Variants in ANK3 observed in about 807,000 individuals in gnomAD.
ANK3 encodes the protein ankyrin-3.
In ANK3, 57 loss-of-function variants were observed where a neutral mutation model predicts 370.9. That is an observed-to-expected ratio of 0.15 (90% confidence interval 0.12 to 0.19). The LOEUF (loss-of-function observed/expected upper bound fraction) is 0.19. ANK3 is among the 10% of genes least tolerant of loss of function. ANK3 has a pLI of 1.00. For missense variants in ANK3, 4,439 were observed against 5,302.1 expected (o/e 0.84, Z 5.06); for synonymous variants, 1,929 against 1,946.3 (o/e 0.99, Z 0.23).
At position 60,441,518 on chromosome 10, in the gene ANK3, A is replaced by G. The variant is rs185545607; in HGVS notation, c.97-161879T>C. ...CTCCTATCTTGAATTTTTCTCTTAG[A>G]AATGCTGTGTGTAGGTCCTATACAT... is the stretch of plus-strand genomic sequence containing the variant. On this transcript the variant is annotated intron_variant, in intron 2 of 43. Coordinates refer to the ANK3 transcript ENST00000373827. 5.3e-5 allele frequency among the ~76,000 whole-genome samples: 8 copies of G among 152,318 alleles called. No individual in the cohort carries two copies. In the East Asian group the frequency reaches 1.5e-3, roughly 29 times the overall value.
chr10:60,417,915 T>TA lies in ANK3; in HGVS notation c.97-138277dup, dbSNP rs534459028. On this transcript the variant is annotated intron_variant, in intron 2 of 43. Transcript: ENST00000373827. Reference sequence around the variant, plus strand: ...TATTAATCATACTTGAAAGGTTTTTTAAAAAAATTTTGCTTTTACCACATA... The same window carrying TA: ...TATTAATCATACTTGAAAGGTTTTTTAAAAAAAATTTTGCTTTTACCACATA... Among the ~76,000 whole-genome samples, 922 of 152,232 alleles carry TA rather than the reference T, an allele frequency of 6.1e-3. 11 individuals are homozygous for TA. Among genetic ancestry groups the TA allele is most frequent in the African/African-American group, 0.02 (835 of 41,554 alleles).
chr10:60,246,255 C>CAAAAAA lies in ANK3; in HGVS notation c.799-11475_799-11470dup, dbSNP rs869144298. Among the ~76,000 whole-genome samples the CAAAAAA allele has an allele frequency of 3.3e-3, 310 of 92,560 alleles. 4 individuals carry two copies. Among genetic ancestry groups the CAAAAAA allele is most frequent in the African/African-American group, 4.8e-3 (101 of 21,236 alleles). 60.7% of individuals were successfully genotyped at this position (92,560 alleles called of 152,430 possible). ...TGGGCAACAGAGAGAAACCCTGTATCAAAAAAAAAAAAAAAAAAAAAAAAA... is the reference window on the plus strand; with the variant it reads ...TGGGCAACAGAGAGAAACCCTGTATCAAAAAAAAAAAAAAAAAAAAAAAAAAAAAAA... On this transcript the variant is annotated intron_variant, in intron 7 of 43. Transcript: ENST00000280772.
At chr10:60,503,843 A>G (rs916975424) in intron 2 of ANK3, among the ~76,000 whole-genome samples, 1 of 152,206 alleles carries the variant, frequency 6.6e-6, no homozygotes, top group Non-Finnish European at 1.5e-5. Context: ...TTCTTTGGAT[A>G]GTGCCTACTG....
At chr10:60,631,643 T>A (rs187406319) in intron 1 of ANK3, among the ~76,000 whole-genome samples, 11 of 152,212 alleles carry the variant, frequency 7.2e-5, no homozygotes, top group Admixed American at 2.0e-4. Context: ...AAAACATGCA[T>A]CAAAATTATA....
intron 24 of ANK3, 83 bp from the exon 25 acceptor site, chr10:60,134,456 A>G: frequency 9.9e-7 from 1 of 1,006,674 alleles, no homozygotes; most frequent in Non-Finnish European, 1.5e-6. Context: ...CAACTTTAAG[A>G]ACAGGCAAGA....
chr10:60,732,997 C>T (rs1156997853), intron 1 of ANK3, among the ~76,000 whole-genome samples: 2 of 151,178 alleles, frequency 1.3e-5, no homozygotes, highest in African/African-American at 4.9e-5. Context: ...TCGGGCCCCC[C>T]TCTCTCCTGG....
intron 2 of ANK3, among the ~76,000 whole-genome samples, chr10:60,440,345 C>T (rs2064269406): frequency 6.6e-6 from 1 of 152,092 alleles, no homozygotes; most frequent in African/African-American, 2.4e-5. Flanking sequence ...CACAGTTATG[C>T]ATGGCTGGGG....
intron 23 of ANK3, among the ~76,000 whole-genome samples, chr10:60,148,976 TAC>T (rs1483658131): frequency 6.6e-6 from 1 of 152,172 alleles, no homozygotes; most frequent in East Asian, 1.9e-4. Flanking sequence ...GGACCATGAG[TAC>T]AATACAGGAA....
chr10:60,387,210 T>C (rs1403169222), intron 1 of ANK3, among the ~76,000 whole-genome samples: 1 of 151,990 alleles, frequency 6.6e-6, no homozygotes, highest in Admixed American at 6.6e-5. Context: ...CAAGAGCAAC[T>C]ATCCCCATAA....
intron 2 of ANK3, among the ~76,000 whole-genome samples, chr10:60,467,306 A>G (rs2065033278): frequency 6.6e-6 from 1 of 152,176 alleles, no homozygotes; most frequent in Non-Finnish European, 1.5e-5. Context: ...AGGCTTCAAC[A>G]CAGCAATTCA....
At chr10:60,674,450 G>A (rs1011146610) in intron 1 of ANK3, among the ~76,000 whole-genome samples, 9 of 152,106 alleles carry the variant, frequency 5.9e-5, no homozygotes, top group African/African-American at 1.9e-4. Flanking sequence ...GGAGGGAGAT[G>A]CCACACCCTT....
chr10:60,089,818 A>C (rs1194279666), intron 28 of ANK3, among the ~76,000 whole-genome samples: 1 of 152,046 alleles, frequency 6.6e-6, no homozygotes, highest in East Asian at 1.9e-4. Context: ...AATATATATA[A>C]ATCCACATAT....
chr10:60,452,528 G>C (rs761259133), intron 2 of ANK3, among the ~76,000 whole-genome samples: 1 of 152,102 alleles, frequency 6.6e-6, no homozygotes, highest in Non-Finnish European at 1.5e-5. Context: ...CCTCCCCTTC[G>C]ATTGCCTTAA....
intron 1 of ANK3, among the ~76,000 whole-genome samples, chr10:60,663,237 G>C (rs2133374131): frequency 6.6e-6 from 1 of 152,292 alleles, no homozygotes; most frequent in Middle Eastern, 3.4e-3. Context: ...ACTACTACAA[G>C]CATTTTGTGG....
intron 1 of ANK3, among the ~76,000 whole-genome samples, chr10:60,682,013 T>C (rs1191331262): frequency 6.6e-6 from 1 of 152,034 alleles, no homozygotes; most frequent in Non-Finnish European, 1.5e-5. Flanking sequence ...TAGCTGGGCA[T>C]GATGGTACCT....
intron 6 of ANK3, among the ~76,000 whole-genome samples, chr10:60,262,403 G>GT (rs1350035417): frequency 6.6e-6 from 1 of 152,134 alleles, no homozygotes; most frequent in South Asian, 2.1e-4. Flanking sequence ...GACAAAAGCA[G>GT]TTTTGGGGGG....
intron 16 of ANK3, among the ~76,000 whole-genome samples, chr10:60,195,473 A>T (rs1203090595): frequency 2.0e-5 from 3 of 152,086 alleles, no homozygotes; most frequent in Admixed American, 2.0e-4. Context: ...TAACTGAACA[A>T]CACTGAAATG....
chr10:60,310,922 C>T (rs2046204209), intron 1 of ANK3, among the ~76,000 whole-genome samples: 1 of 152,174 alleles, frequency 6.6e-6, no homozygotes, highest in South Asian at 2.1e-4. Flanking sequence ...AGGACTGGTG[C>T]ATGTCATGTG....
intron 8 of ANK3, among the ~76,000 whole-genome samples, chr10:60,217,056 G>C (rs1012065240): frequency 6.6e-6 from 1 of 152,088 alleles, no homozygotes; most frequent in Non-Finnish European, 1.5e-5. Flanking sequence ...TTTCCATAAA[G>C]GTGTTTATAG....
Sources: allele counts gnomAD v4.1 joint callset (sites outside exome capture counted in the v4.1 genomes callset), GRCh38; gene constraint gnomAD v4.1.1; transcripts MANE v1.5; gene names NCBI Gene and HGNC (gene_info 2026-07-23, HGNC 2026-07-21).